The following TRPC1 variants were observed in gnomAD, a reference collection of about 807,000 sequenced individuals.
TRPC1 encodes the protein short transient receptor potential channel 1.
In TRPC1, 42 loss-of-function variants were observed where a neutral mutation model predicts 88.2. The observed-to-expected ratio is 0.48, with a 90% confidence interval of 0.37 to 0.62. The LOEUF (loss-of-function observed/expected upper bound fraction) is 0.62. Among genes scored for constraint, TRPC1 ranks in the 20% least tolerant of loss-of-function variants. The pLI is 0.00. For missense variants in TRPC1, 699 were observed against 957.3 expected, an observed-to-expected ratio of 0.73 and a Z score of 3.56; for synonymous variants, 288 against 331.8, an observed-to-expected ratio of 0.87 and a Z score of 1.43.
At chr3:142,784,021 C>A (rs962359716) in intron 6 of TRPC1, among the ~76,000 whole-genome samples, 1 of 152,130 alleles carries the variant, frequency 6.6e-6, no homozygotes, top group African/African-American at 2.4e-5. Flanking sequence ...CCTTTCTTCT[C>A]ACATGAAATT....
intron 7 of TRPC1, among the ~76,000 whole-genome samples, chr3:142,787,753 G>C (rs1257781817): frequency 6.6e-6 from 1 of 152,178 alleles, no homozygotes; most frequent in Non-Finnish European, 1.5e-5. Context: ...AATGGATTAA[G>C]TGCTATTGGT....
intron 9 of TRPC1, among the ~76,000 whole-genome samples, chr3:142,801,889 C>A (rs1020282410): frequency 1.3e-5 from 2 of 152,138 alleles, no homozygotes; most frequent in African/African-American, 4.8e-5. Context: ...ATCTCCATAT[C>A]TCTGCCTCTA....
chr3:142,777,548 A>T, intron 4 of TRPC1, 84 bp from the exon 5 acceptor site: 3 of 825,730 alleles, frequency 3.6e-6, no homozygotes, highest in Non-Finnish European at 5.1e-6. Context: ...TATTTTAAGT[A>T]TACATTTATG....
intron 4 of TRPC1, among the ~76,000 whole-genome samples, chr3:142,754,479 A>G (rs1024203512): frequency 6.6e-6 from 1 of 152,216 alleles, no homozygotes; most frequent in African/African-American, 2.4e-5. Context: ...ACATGTATAC[A>G]TATGTAACAA....
At chr3:142,766,981 A>G (rs1173431538) in intron 4 of TRPC1, among the ~76,000 whole-genome samples, 3 of 152,154 alleles carry the variant, frequency 2.0e-5, no homozygotes, top group Admixed American at 6.5e-5. Flanking sequence ...TCAGTTGTCA[A>G]TTTTTACAAA....
At chr3:142,777,594 A>T in intron 4 of TRPC1, 38 bp from the exon 5 acceptor site, 1 of 1,463,962 alleles carries the variant, frequency 6.8e-7, no homozygotes, top group East Asian at 2.4e-5. Context: ...ATATGTGTAT[A>T]AGTTTATTTT....
intron 4 of TRPC1, among the ~76,000 whole-genome samples, chr3:142,763,445 CTT>C (rs1277691879): frequency 6.6e-6 from 1 of 151,926 alleles, no homozygotes; most frequent in Non-Finnish European, 1.5e-5. Flanking sequence ...TAGTGACCCT[CTT>C]TGTCTTTTTT....
Position 142,785,049 on chromosome 3 carries a change from C to T in TRPC1, c.1297+9C>T, listed in dbSNP as rs1560113885. ...TATTCTGTGGATTATTGGTAAGTAT[C>T]AAGTTAGTTTGAAAGGTTTTGTCTT... On this transcript the variant is annotated intron_variant, in intron 7 of 12. Transcript: ENST00000476941. The T allele has an allele frequency of 6.4e-7, 1 of 1,572,106 alleles. No homozygotes were observed. Among genetic ancestry groups the T allele is most frequent in the East Asian group, 2.3e-5 (1 of 44,314 alleles).
chr3:142,748,768 A>G (rs1934647252), intron 4 of TRPC1, among the ~76,000 whole-genome samples: 1 of 152,212 alleles, frequency 6.6e-6, no homozygotes, highest in East Asian at 1.9e-4. Flanking sequence ...CAAGTCGTGG[A>G]AGGAGTGGAG....
chr3:142,781,090 G>T, intron 6 of TRPC1, 61 bp downstream of exon 6: 1 of 1,404,580 alleles, frequency 7.1e-7, no homozygotes, highest in Non-Finnish European at 9.4e-7. Flanking sequence ...GTGGCTCAGG[G>T]CAAAGGCTTT....
intron 1 of TRPC1, among the ~76,000 whole-genome samples, chr3:142,730,864 A>T (rs1933875951): frequency 6.6e-6 from 1 of 152,202 alleles, no homozygotes; most frequent in Non-Finnish European, 1.5e-5. Flanking sequence ...GAAAAGCTTT[A>T]CAAATTTTTT....
chr3:142,739,165 G>A (rs1934252886), intron 2 of TRPC1, among the ~76,000 whole-genome samples: 1 of 151,922 alleles, frequency 6.6e-6, no homozygotes, highest in Non-Finnish European at 1.5e-5. Context: ...GTAGAGATGG[G>A]GTTTCTCCAT....
intron 1 of TRPC1, among the ~76,000 whole-genome samples, chr3:142,733,618 T>C (rs1934017102): frequency 6.6e-6 from 1 of 152,254 alleles, no homozygotes; most frequent in Non-Finnish European, 1.5e-5. Context: ...TATTTTTGTC[T>C]ATTTGCTATA....
At chr3:142,783,832 A>C (rs1057482839) in intron 6 of TRPC1, among the ~76,000 whole-genome samples, 1 of 152,192 alleles carries the variant, frequency 6.6e-6, no homozygotes, top group African/African-American at 2.4e-5. Context: ...TAATAATTTC[A>C]AACCTGATCA....
At chr3:142,781,458 T>A (rs925455279) in intron 6 of TRPC1, among the ~76,000 whole-genome samples, 3 of 152,118 alleles carry the variant, frequency 2.0e-5, no homozygotes, top group African/African-American at 7.2e-5. Flanking sequence ...GCCCCTTCTA[T>A]AGTAATAGTG....
chr3:142,724,648 A>G lies in TRPC1; in HGVS notation c.89A>G (p.Glu30Gly). 1 of 1,612,626 alleles carries G rather than the reference A, an allele frequency of 6.2e-7. No homozygotes were observed. Among genetic ancestry groups the G allele is most frequent in the Non-Finnish European group, 8.5e-7 (1 of 1,179,380 alleles). The change falls in exon 1 of 13, where the codon GAG becomes GGG. Residue 30 changes from glutamate (E) to glycine (G), a missense_variant. By Grantham distance (98) the Glu-to-Gly change is moderately conservative. Coordinates refer to ENST00000476941, the MANE Select transcript of TRPC1 (RefSeq NM_001251845.2). This position sits in a 1 kb window ranked among gnomAD's most constrained non-coding sequence, Gnocchi z 5.6. ...PSSPSSSSPN[E>G]VMALKDVREV... ...TCTCCATCCTCTTCCTCGCCGAACG[A>G]GGTGATGGCGCTGAAGGATGTGCGG...
rs1936725578 is a variant in TRPC1 at position 142,804,560 on chromosome 3, T to C, written c.2084T>C (p.Ile695Thr). ...IPSPKTICYM[I>T]SSLSKWICSH... ...TCACCAAAGACTATCTGCTATATGA[T>C]TAGTAGCCTCAGTAAGTGGATTTGC... Residue 695 changes from isoleucine (I) to threonine (T), a missense_variant, in exon 12 of 13, where the codon ATT (isoleucine) becomes ACT (threonine). Coordinates refer to ENST00000476941, the MANE Select transcript of TRPC1 (RefSeq NM_001251845.2). 6.2e-7 allele frequency: 1 copy of C among 1,613,128 alleles called. No individual in the cohort carries two copies.
chr3:142,758,136 C>A (rs1422600051), intron 4 of TRPC1, among the ~76,000 whole-genome samples: 1 of 152,030 alleles, frequency 6.6e-6, no homozygotes, highest in African/African-American at 2.4e-5. Context: ...TATGGTAGTT[C>A]TATTTTTAGT....
chr3:142,740,522 G>A (rs1046438420), intron 2 of TRPC1, among the ~76,000 whole-genome samples: 20 of 152,204 alleles, frequency 1.3e-4, no homozygotes, highest in African/African-American at 4.8e-4. Context: ...CAAAGGGCTG[G>A]TGCAGATTCA....
Sources: allele counts gnomAD v4.1 joint callset (sites outside exome capture counted in the v4.1 genomes callset), GRCh38; gene constraint gnomAD v4.1.1; non-coding constraint Gnocchi (gnomAD v3.1); transcripts MANE v1.5; gene names NCBI Gene and HGNC (gene_info 2026-07-23, HGNC 2026-07-21).